NAV3: variants seen among roughly 807,000 people sequenced by gnomAD.
NAV3 encodes the protein neuron navigator 3.
Under a neutral mutation model 244.7 loss-of-function variants are expected in NAV3, and 87 were observed. That is an observed-to-expected ratio of 0.36 (90% CI 0.30 to 0.42). NAV3 has a LOEUF of 0.42. Ranked by LOEUF, NAV3 falls within the 20% of genes least tolerant of loss-of-function variation. The pLI is 1.00. For missense variants in NAV3, 2,663 were observed against 2,893.3 expected (o/e 0.92, Z 1.83); for synonymous variants, 1,126 against 1,042.2 (o/e 1.08, Z -1.55).
In NAV3 at chr12:78,204,917, C is replaced by T. The variant is rs773017539; in HGVS notation, c.6835-18C>T. 2.5e-5 allele frequency: 40 copies of T among 1,610,958 alleles called. No homozygotes were observed. Among genetic ancestry groups the T allele is most frequent in the Middle Eastern group, 1.7e-4 (1 of 6,058 alleles). ...AAATGCATTTTATATATATCCTAAA[C>T]GCGTGGTCAACTTTTAGATGTATGG... On this transcript the variant is annotated intron_variant, in intron 38 of 39. Coordinates refer to ENST00000397909, the MANE Select transcript of NAV3 (RefSeq NM_001024383.2).
At chr12:77,883,688 G>A (rs2088923101) in intron 1 of NAV3, among the ~76,000 whole-genome samples, 1 of 152,148 alleles carries the variant, frequency 6.6e-6, no homozygotes, top group Non-Finnish European at 1.5e-5. Flanking sequence ...AGAGTGAGGT[G>A]AGAACATGCA....
At chr12:77,733,834 ATTTTT>A (rs56770236) in intron 2 of NAV3, among the ~76,000 whole-genome samples, 1,411 of 124,148 alleles carry the variant, frequency 0.011, 10 homozygotes, top group African/African-American at 0.027. Flanking sequence ...CTTGGTTTAG[ATTTTT>A]TTTTTTTTTT....
intron 2 of NAV3, among the ~76,000 whole-genome samples, chr12:77,815,482 T>C (rs922531484): frequency 3.9e-5 from 6 of 152,190 alleles, no homozygotes; most frequent in African/African-American, 1.4e-4. Context: ...TTTCTAAATA[T>C]TTTTGCAGGC....
At chr12:77,932,727 C>T (rs1264054018) in intron 1 of NAV3, among the ~76,000 whole-genome samples, 1 of 152,142 alleles carries the variant, frequency 6.6e-6, no homozygotes, top group East Asian at 1.9e-4. Flanking sequence ...ATGTTCCCTA[C>T]ATGAAAATAA....
At chr12:77,911,372 T>A (rs1387891019) in intron 1 of NAV3, among the ~76,000 whole-genome samples, 1 of 152,108 alleles carries the variant, frequency 6.6e-6, no homozygotes, top group South Asian at 2.1e-4. Flanking sequence ...ACCAAGTAAA[T>A]TTATAATGCA....
chr12:77,752,746 G>A (rs1403720767), intron 2 of NAV3, among the ~76,000 whole-genome samples: 1 of 152,052 alleles, frequency 6.6e-6, no homozygotes, highest in Non-Finnish European at 1.5e-5. Context: ...AATTAAATAA[G>A]GCAAGCGACT....
intron 12 of NAV3, among the ~76,000 whole-genome samples, chr12:78,109,047 G>A (rs1954948491): frequency 6.6e-6 from 1 of 151,726 alleles, no homozygotes; most frequent in Admixed American, 6.6e-5. Context: ...AAATAAAATT[G>A]ATAAACCACT....
chr12:78,009,158 A>G (rs1874778229), intron 8 of NAV3, among the ~76,000 whole-genome samples: 1 of 152,154 alleles, frequency 6.6e-6, no homozygotes, highest in Non-Finnish European at 1.5e-5. Flanking sequence ...TGAAAATGTA[A>G]CTTTTAAATA....
rs1212577591 is a variant in NAV3, at chr12:77,873,675, A to T, written c.243+41971A>T. The stretch of plus-strand genomic sequence containing the variant: ...ATTTTTATATATATACATGATTTGT[A>T]TGTGTATATATATATATATATATAT... On this transcript the variant is annotated intron_variant, in intron 1 of 39. Transcript: ENST00000397909. Among the ~76,000 whole-genome samples the T allele has an allele frequency of 1.0e-4, 7 of 68,654 alleles. 1 individual carries two copies. Among genetic ancestry groups the T allele is most frequent in the South Asian group, 1.5e-3 (2 of 1,328 alleles). 45.0% of individuals were successfully genotyped at this position (68,654 alleles called of 152,430 possible).
At chr12:77,826,634 A>T (rs1000962795), upstream of NAV3, among the ~76,000 whole-genome samples, 6 of 152,256 alleles carry the variant, frequency 3.9e-5, no homozygotes, top group Admixed American at 3.9e-4. Context: ...AATGTTACAT[A>T]TAACACATGG....
At chr12:78,107,732 T>G (rs1954876777) in intron 12 of NAV3, among the ~76,000 whole-genome samples, 1 of 152,038 alleles carries the variant, frequency 6.6e-6, no homozygotes, top group Non-Finnish European at 1.5e-5. Flanking sequence ...AGACTGGACC[T>G]ACAATAAATG....
At chr12:78,186,344 T>G (rs1958719158) in intron 31 of NAV3, among the ~76,000 whole-genome samples, 1 of 151,908 alleles carries the variant, frequency 6.6e-6, no homozygotes, top group Admixed American at 6.6e-5. Flanking sequence ...AGTATCCAAT[T>G]TTTTTACATC....
intron 12 of NAV3, among the ~76,000 whole-genome samples, chr12:78,080,972 G>A (rs1429582104): frequency 1.3e-5 from 2 of 152,200 alleles, no homozygotes; most frequent in East Asian, 3.8e-4. Context: ...CATAAGTGAA[G>A]TCCGGTGTGT....
intron 3 of NAV3, among the ~76,000 whole-genome samples, chr12:77,964,815 A>G (rs1211846802): frequency 6.6e-6 from 1 of 152,016 alleles, no homozygotes; most frequent in Non-Finnish European, 1.5e-5. Flanking sequence ...TTTTTTCCTC[A>G]AAATAAATGA....
At position 77,628,754 on chromosome 12, in the gene NAV3, G is replaced by C. The variant is rs372596159; in HGVS notation, c.72+56488G>C. ...AAAATACAAAAAATTAGCCGGGCAC[G>C]GTGGAGCATGCTTGTGGTCCCAGCT... On this transcript the variant is annotated intron_variant, in intron 2 of 8. Transcript: ENST00000550042. Among the ~76,000 whole-genome samples, 10 of 151,850 alleles carry C rather than the reference G, an allele frequency of 6.6e-5. No homozygotes were observed. In the East Asian group the frequency reaches 1.9e-3, roughly 29 times the overall value.
chr12:78,150,629 C>CCACACACACACACACACA (rs765969323), intron 22 of NAV3, among the ~76,000 whole-genome samples: 3 of 122,640 alleles, frequency 2.4e-5, no homozygotes, highest in Admixed American at 1.9e-4. Context: ...GCAAAAGCTT[C>CCACACACACACACACACA]CTCACACACA....
At chr12:77,988,164 C>A (rs565295040) in intron 5 of NAV3, among the ~76,000 whole-genome samples, 1 of 152,226 alleles carries the variant, frequency 6.6e-6, no homozygotes, top group South Asian at 2.1e-4. Flanking sequence ...GAATCACCTG[C>A]GGATTCTGTT....
intron 2 of NAV3, among the ~76,000 whole-genome samples, chr12:77,625,845 C>T (rs182184661): frequency 1.6e-4 from 25 of 152,270 alleles, no homozygotes; most frequent in African/African-American, 5.8e-4. Context: ...GCAACTGTTA[C>T]AGCAAGTGCT....
chr12:78,115,299 T>C (rs1955318786), intron 12 of NAV3, among the ~76,000 whole-genome samples: 1 of 152,176 alleles, frequency 6.6e-6, no homozygotes, highest in African/African-American at 2.4e-5. Flanking sequence ...ATGGGTATCT[T>C]TACAGCAGTG....
Sources: allele counts gnomAD v4.1 joint callset (sites outside exome capture counted in the v4.1 genomes callset), GRCh38; gene constraint gnomAD v4.1.1; transcripts MANE v1.5; gene names NCBI Gene and HGNC (gene_info 2026-07-23, HGNC 2026-07-21).